INTU: variants seen among roughly 807,000 people sequenced by gnomAD.
INTU encodes protein inturned.
In INTU, 68 loss-of-function variants were observed where a neutral mutation model predicts 100.5. The observed-to-expected ratio is 0.68, with a 90% CI of 0.56 to 0.83. The LOEUF (loss-of-function observed/expected upper bound fraction) is 0.83, where lower values mean the gene tolerates loss of function less well. Ranked by LOEUF, INTU falls within the 40% of genes least tolerant of loss-of-function variation. The pLI, the probability that INTU is intolerant of heterozygous loss-of-function variation, is 0.00. For missense variants in INTU, 1,071 were observed against 1,114.7 expected, an observed-to-expected ratio of 0.96 and a Z score of 0.56; for synonymous variants, 357 against 395.7, an observed-to-expected ratio of 0.90 and a Z score of 1.16.
intron 1 of INTU, 75 bp downstream of exon 1, chr4:127,633,255 C>G (rs894891919): frequency 2.0e-6 from 3 of 1,477,660 alleles, no homozygotes; most frequent in Non-Finnish European, 2.8e-6. Flanking sequence ...GGGGGAACTG[C>G]AAGGGTGTTG....
At chr4:127,657,154 A>AT (rs1443062857) in intron 3 of INTU, among the ~76,000 whole-genome samples, 34 of 151,626 alleles carry the variant, frequency 2.2e-4, no homozygotes, top group African/African-American at 5.6e-4. Context: ...AAGTTTCTTG[A>AT]TTTTTTTTGT....
At chr4:127,682,544 A>G (rs954677229) in intron 6 of INTU, among the ~76,000 whole-genome samples, 2 of 139,458 alleles carry the variant, frequency 1.4e-5, no homozygotes, top group Non-Finnish European at 3.0e-5. Flanking sequence ...GAATTGAACA[A>G]TGAGAACACA....
chr4:127,711,146 C>T (rs13141306), intron 14 of INTU, 44 bp downstream of exon 14: 10 of 1,399,676 alleles, frequency 7.1e-6, no homozygotes, highest in Non-Finnish European at 9.7e-6. Flanking sequence ...GTTTAATTTC[C>T]AGATCTCTAA....
chr4:127,660,378 A>G lies in INTU; in HGVS notation c.769-3003A>G, dbSNP rs76681681. ...TCCCTCAGAATTTTGACTAAGGAGT[A>G]TTGAAATCATCTGCCAGCTGTTAGC... On this transcript the variant is annotated intron_variant, in intron 3 of 15. Coordinates refer to ENST00000335251, the MANE Select transcript of INTU (RefSeq NM_015693.4). Among the ~76,000 whole-genome samples the G allele has an allele frequency of 2.4e-3, 366 of 152,324 alleles. 2 individuals are homozygous for G. Among genetic ancestry groups the G allele is most frequent in the African/African-American group, 8.3e-3 (346 of 41,580 alleles).
chr4:127,716,171 T>C (rs1180354919), intron 15 of INTU, among the ~76,000 whole-genome samples, 154 bp from the exon 16 acceptor site: 1 of 152,200 alleles, frequency 6.6e-6, no homozygotes, highest in African/African-American at 2.4e-5. Flanking sequence ...TAGAAATAAA[T>C]CTAGCTGCTT....
rs147703448 is a variant in INTU, at chr4:127,635,163, T to G, written c.146+1983T>G. Among the ~76,000 whole-genome samples, 632 of 152,338 alleles carry G rather than the reference T, an allele frequency of 4.1e-3. 4 individuals are homozygous for G. The highest frequency in any genetic ancestry group is 0.02 in the Middle Eastern group (6 of 294). On this transcript the variant is annotated intron_variant, in intron 1 of 15. Transcript: ENST00000335251. ...CTGTATGTGATTGTCAATATAGAATTTAAAAGTTTATCATCTTGGAGATAA... is the reference window on the plus strand; with the variant it reads ...CTGTATGTGATTGTCAATATAGAATGTAAAAGTTTATCATCTTGGAGATAA...
At chr4:127,698,916 T>C (rs757895565) in intron 8 of INTU, among the ~76,000 whole-genome samples, 2 of 152,196 alleles carry the variant, frequency 1.3e-5, no homozygotes, top group African/African-American at 2.4e-5. Flanking sequence ...GAACCTGAAG[T>C]ATTTGCTAGA....
rs34743437 is a variant in INTU at position 127,723,385 on chromosome 4, C to CTTTTTTT, written c.*6962_*6968dup. 1 of 109,076 alleles carries CTTTTTTT rather than the reference C, an allele frequency of 9.2e-6. No homozygotes were observed. Among genetic ancestry groups the CTTTTTTT allele is most frequent in the African/African-American group, 3.6e-5 (1 of 27,844 alleles). The allele number at this position is 109,076 out of a possible 1,614,324, so 6.8% of individuals were successfully genotyped here. On this transcript the variant is annotated 3_prime_UTR_variant, in exon 16 of 16. Transcript: ENST00000335251. Reference sequence around the variant, plus strand: ...TTGACCATCTGGGCTCTCTGTTCTACTTTTTTTTTTTTTTTTTTTGCCTCT... The same window carrying CTTTTTTT: ...TTGACCATCTGGGCTCTCTGTTCTACTTTTTTTTTTTTTTTTTTTTTTTTTTGCCTCT...
intron 14 of INTU, 118 bp downstream of exon 14, chr4:127,711,220 T>C: frequency 1.4e-6 from 1 of 734,058 alleles, no homozygotes. Context: ...TTTTAAATAG[T>C]CACTTAATCT....
intron 13 of INTU, among the ~76,000 whole-genome samples, chr4:127,709,439 T>C (rs1237007831): frequency 6.6e-6 from 1 of 152,208 alleles, no homozygotes; most frequent in Non-Finnish European, 1.5e-5. Context: ...ACACTCTCTT[T>C]AGAAAATAGG....
intron 10 of INTU, 84 bp from the exon 11 acceptor site, chr4:127,705,507 A>G: frequency 1.0e-6 from 1 of 970,278 alleles, no homozygotes; most frequent in Non-Finnish European, 1.6e-6. Context: ...CAACGGAAGA[A>G]GTGTCTATGA....
chr4:127,678,867 C>G (rs960572361), intron 6 of INTU, among the ~76,000 whole-genome samples: 129 of 151,694 alleles, frequency 8.5e-4, no homozygotes, highest in Non-Finnish European at 1.5e-3. Flanking sequence ...ATCTCACGTG[C>G]AGAGACACAC....
intron 11 of INTU, 25 bp downstream of exon 11, chr4:127,705,837 T>C (rs772441446): frequency 1.3e-6 from 2 of 1,574,394 alleles, no homozygotes; most frequent in Admixed American, 3.5e-5. Flanking sequence ...GCTTCTTTCT[T>C]AGGATTTTTC....
intron 8 of INTU, 106 bp from the exon 9 acceptor site, chr4:127,699,904 C>T: frequency 1.5e-6 from 1 of 663,794 alleles, no homozygotes; most frequent in Non-Finnish European, 2.5e-6. Context: ...GAGAAAGATA[C>T]TCAATTTTTC....
At chr4:127,674,895 G>A (rs1050067225) in intron 6 of INTU, among the ~76,000 whole-genome samples, 1 of 152,178 alleles carries the variant, frequency 6.6e-6, no homozygotes. Context: ...AAAATCAAAA[G>A]AGGGTTCAGT....
intron 12 of INTU, among the ~76,000 whole-genome samples, chr4:127,707,788 A>G (rs963403466): frequency 1.3e-5 from 2 of 152,196 alleles, no homozygotes; most frequent in Non-Finnish European, 2.9e-5. Flanking sequence ...ATTTTTTCCC[A>G]TGAAAATACC....
chr4:127,654,275 C>T (rs200259782), intron 2 of INTU, among the ~76,000 whole-genome samples: 4,538 of 152,132 alleles, frequency 0.03, 295 homozygotes, highest in East Asian at 0.26. Flanking sequence ...ATGATGTTAG[C>T]TGGTGATTTT....
At chr4:127,700,861 A>G (rs921418796) in intron 9 of INTU, among the ~76,000 whole-genome samples, 2 of 152,160 alleles carry the variant, frequency 1.3e-5, no homozygotes, top group Admixed American at 6.5e-5. Flanking sequence ...ATGAAGAAAA[A>G]TCAGACATTT....
At position 127,655,932 on chromosome 4, in the gene INTU, G is replaced by A. The variant is rs529171024; in HGVS notation, c.683-704G>A. On this transcript the variant is annotated intron_variant, in intron 2 of 15. Transcript: ENST00000335251. ...GCGGGATATAATCTCGTGGTGCGCC[G>A]TTTTTTAAACCGGTCCGAAAAGCGC... Among the ~76,000 whole-genome samples, 23 of 146,362 alleles carry A rather than the reference G, an allele frequency of 1.6e-4. No individual in the cohort carries two copies. The East Asian group carries it at 3.2e-3, about 20-fold the overall frequency.
Sources: allele counts gnomAD v4.1 joint callset (sites outside exome capture counted in the v4.1 genomes callset), GRCh38; gene constraint gnomAD v4.1.1; transcripts MANE v1.5; gene names NCBI Gene and HGNC (gene_info 2026-07-23, HGNC 2026-07-21).